Variants in TOR1A observed in about 807,000 individuals in gnomAD.
TOR1A encodes torsin family 1 member A, also known as torsin-1A.
TOR1A carries 18 observed loss-of-function variants against 31.4 expected under a neutral mutation model. The observed-to-expected ratio is 0.57, with a 90% CI of 0.40 to 0.85. The LOEUF (loss-of-function observed/expected upper bound fraction) is 0.85, where lower values mean the gene tolerates loss of function less well. Ranked by LOEUF, TOR1A falls within the 40% of genes least tolerant of loss-of-function variation. The probability of loss-of-function intolerance (pLI) is 0.00; values close to 1 mark genes in which losing one functional copy is unlikely to be tolerated. For missense variants in TOR1A, 375 were observed against 416.4 expected (o/e 0.90, Z 0.87); for synonymous variants, 168 against 165.9 (o/e 1.01, Z -0.10).
Position 129,818,871 on chromosome 9 carries a change from G to T in TOR1A, c.494C>A (p.Ser165Tyr). 1 of 1,613,872 alleles carries T rather than the reference G, an allele frequency of 6.2e-7. No homozygotes were observed. The highest frequency in any genetic ancestry group is 8.5e-7 in the Non-Finnish European group (1 of 1,180,036). ...IRGNVSACAR[S>Y]IFIFDEMDKM... Reference sequence around the variant, plus strand: ...ATCCATTTCATCAAATATGAAGATGGACCTCGCACAGGCACTCACGTTGCC... The same window carrying T: ...ATCCATTTCATCAAATATGAAGATGTACCTCGCACAGGCACTCACGTTGCC... The change falls in exon 3 of 5, where the codon TCC (serine) becomes TAC (tyrosine). Residue 165 changes from serine to tyrosine, a missense_variant. Ser to Tyr is a moderately radical substitution (Grantham distance 144, BLOSUM62 -2). Transcript: ENST00000351698.
chr9:129,822,086 C>T (rs773518136), intron 2 of TOR1A: 29 of 225,934 alleles, frequency 1.3e-4, no homozygotes, highest in Non-Finnish European at 2.1e-4. Flanking sequence ...GCCAAGTTGG[C>T]AAAACCCCAT....
At chr9:129,818,338 GT>G (rs2031092150) in intron 4 of TOR1A, 181 bp downstream of exon 4, 5 of 856,776 alleles carry the variant, frequency 5.8e-6, no homozygotes, top group Non-Finnish European at 9.6e-6. Context: ...AAACATTAGT[GT>G]TCATAAAAGT....
rs1333354661 is a variant in TOR1A, at chr9:129,812,960, AT to A, written c.*1011del. The stretch of plus-strand genomic sequence containing the variant: ...TCACCAATGGCACATGCAAAATTTT[AT>A]TGTAAAACGGTAGCCATTTGCATTT... On this transcript the variant is annotated 3_prime_UTR_variant, in exon 5 of 5. Coordinates refer to ENST00000351698, the MANE Select transcript of TOR1A (RefSeq NM_000113.3). 1 of 152,214 alleles carries A rather than the reference AT, an allele frequency of 6.6e-6. No individual in the cohort carries two copies. Among genetic ancestry groups the A allele is most frequent in the African/African-American group, 2.4e-5 (1 of 41,470 alleles). 9.4% of individuals were successfully genotyped at this position (152,214 alleles called of 1,614,324 possible).
chr9:129,814,101 A>G lies in TOR1A; in HGVS notation c.870T>C (p.Tyr290=), dbSNP rs761663661. The change falls in exon 5 of 5, where the codon TAT becomes TAC. Residue 290 remains tyrosine, a synonymous_variant. Transcript: ENST00000351698. ...TGCTTACAATGTCTTCATCAATTTC[A>G]TAGCCTCGGGACTGCATTTCCACTC... ...CIRVEMQSRG[Y]EIDEDIVSRV... The G allele has an allele frequency of 6.2e-7, 1 of 1,614,218 alleles. No homozygotes were observed. The highest frequency in any genetic ancestry group is 2.2e-5 in the East Asian group (1 of 44,894).
chr9:129,820,768 T>C (rs1357640569), intron 2 of TOR1A, among the ~76,000 whole-genome samples: 5 of 152,044 alleles, frequency 3.3e-5, no homozygotes, highest in Non-Finnish European at 7.4e-5. Flanking sequence ...CTAATTTTTT[T>C]GTATTTTTTT....
chr9:129,814,317 C>T, intron 4 of TOR1A, 95 bp from the exon 5 acceptor site: 1 of 1,588,032 alleles, frequency 6.3e-7, no homozygotes. Flanking sequence ...CCATCCGTCC[C>T]ACAAACGTCT....
At chr9:129,821,015 A>AT (rs1466436448) in intron 2 of TOR1A, among the ~76,000 whole-genome samples, 1 of 152,154 alleles carries the variant, frequency 6.6e-6, no homozygotes, top group Non-Finnish European at 1.5e-5. Context: ...TAAATAACTG[A>AT]TTGAGGCCAG....
intron 4 of TOR1A, chr9:129,818,246 T>A (rs2031090444): frequency 2.1e-6 from 1 of 469,282 alleles, no homozygotes; most frequent in African/African-American, 2.0e-5. Flanking sequence ...GAGGTTGCAG[T>A]GAGGCAAGGT....
At chr9:129,817,798 C>A (rs1218471945) in intron 4 of TOR1A, among the ~76,000 whole-genome samples, 1 of 111,544 alleles carries the variant, frequency 9.0e-6, no homozygotes, top group Non-Finnish European at 1.7e-5. Flanking sequence ...TCCAGGAAGT[C>A]AAGACCAGCC....
chr9:129,815,120 A>C (rs1040372888), intron 4 of TOR1A, among the ~76,000 whole-genome samples: 1 of 152,234 alleles, frequency 6.6e-6, no homozygotes, highest in African/African-American at 2.4e-5. Flanking sequence ...CGTGTCTTCT[A>C]CTGAGCTGAT....
In TOR1A at chr9:129,813,715, C is replaced by T. The variant is rs1295610734; in HGVS notation, c.*257G>A. The T allele has an allele frequency of 1.7e-6, 1 of 579,768 alleles. No individual in the cohort carries two copies. The highest frequency in any genetic ancestry group is 3.1e-6 in the Non-Finnish European group (1 of 324,602). 35.9% of individuals were successfully genotyped at this position (579,768 alleles called of 1,614,324 possible). ...CATAATTTGTAAAAAATCATGAGCC[C>T]TGCGATGAGTGGGCTGGGAGCTGGC... On this transcript the variant is annotated 3_prime_UTR_variant, in exon 5 of 5. Coordinates refer to ENST00000351698, the MANE Select transcript of TOR1A (RefSeq NM_000113.3).
At chr9:129,823,199 G>A (rs1225830164) in intron 1 of TOR1A, 10 of 384,272 alleles carry the variant, frequency 2.6e-5, no homozygotes, top group South Asian at 1.6e-4. Flanking sequence ...CTGCGGAAGA[G>A]TCCTCACCAT....
At position 129,818,775 on chromosome 9, in the gene TOR1A, G is replaced by C; in HGVS notation, c.590C>G (p.Ser197Cys). The C allele has an allele frequency of 1.2e-6, 2 of 1,613,318 alleles. No homozygotes were observed. Among genetic ancestry groups the C allele is most frequent in the Non-Finnish European group, 1.7e-6 (2 of 1,180,036 alleles). ...AAATATGAACATGGCTTTCTGGTAG[G>C]AGACCCCATCCACCAGGTCATAATA... ...LDYYDLVDGVSYQKAMFIFLS... is the reference protein window; with the variant it reads ...LDYYDLVDGVCYQKAMFIFLS... The change falls in exon 3 of 5, where the codon TCC becomes TGC. Residue 197 changes from serine (S) to cysteine (C), a missense_variant. Transcript: ENST00000351698.
At chr9:129,822,897 T>C in intron 1 of TOR1A, 51 bp from the exon 2 acceptor site, 1 of 1,613,550 alleles carries the variant, frequency 6.2e-7, no homozygotes, top group Non-Finnish European at 8.5e-7. Flanking sequence ...CGGCAAAATG[T>C]AGCCACATTT....
At position 129,822,606 on chromosome 9, in the gene TOR1A, T is replaced by C; in HGVS notation, c.419A>G (p.His140Arg). 1 of 1,614,210 alleles carries C rather than the reference T, an allele frequency of 6.2e-7. No individual in the cohort carries two copies. The highest frequency in any genetic ancestry group is 8.5e-7 in the Non-Finnish European group (1 of 1,180,038). The change falls in exon 2 of 5, where the codon CAT (histidine) becomes CGT (arginine). Residue 140 changes from histidine (H) to arginine (R), a missense_variant. Transcript: ENST00000351698. ...HLFVATLHFP[H>R]ASNITLYKDQ... ...CTTGTACAAGGTGATGTTTGAAGCATGTGGAAAGTGCAATGTGGCCACAAA... is the reference window on the plus strand; with the variant it reads ...CTTGTACAAGGTGATGTTTGAAGCACGTGGAAAGTGCAATGTGGCCACAAA...
chr9:129,822,897 T>A (rs1403787039), intron 1 of TOR1A, 51 bp from the exon 2 acceptor site: 1 of 1,613,550 alleles, frequency 6.2e-7, no homozygotes, highest in South Asian at 1.1e-5. Flanking sequence ...CGGCAAAATG[T>A]AGCCACATTT....
intron 4 of TOR1A, among the ~76,000 whole-genome samples, chr9:129,815,698 G>A (rs1350202470): frequency 6.6e-6 from 1 of 152,194 alleles, no homozygotes; most frequent in African/African-American, 2.4e-5. Flanking sequence ...TCGTGGCTCT[G>A]CTCTGATGCC....
In TOR1A at chr9:129,824,099, C is replaced by T. The variant is rs2031266254; in HGVS notation, c.-14G>A. ...GCCCAGCTTCATGCCCGGACCCGCG[C>T]CACCCTGCTTGTTCTCGCGCCGACC... is the stretch of plus-strand genomic sequence containing the variant. On this transcript the variant is annotated 5_prime_UTR_variant, in exon 1 of 5. Coordinates refer to ENST00000351698, the MANE Select transcript of TOR1A (RefSeq NM_000113.3). The T allele has an allele frequency of 6.4e-7, 1 of 1,560,094 alleles. No individual in the cohort carries two copies. The highest frequency in any genetic ancestry group is 8.6e-7 in the Non-Finnish European group (1 of 1,157,942).
At chr9:129,819,148 G>A (rs1288953876) in intron 2 of TOR1A, among the ~76,000 whole-genome samples, 1 of 152,134 alleles carries the variant, frequency 6.6e-6, no homozygotes, top group African/African-American at 2.4e-5. Flanking sequence ...TACTCCACTT[G>A]CCCAAGACTA....
Sources: allele counts gnomAD v4.1 joint callset (sites outside exome capture counted in the v4.1 genomes callset), GRCh38; gene constraint gnomAD v4.1.1; transcripts MANE v1.5; gene names NCBI Gene and HGNC (gene_info 2026-07-23, HGNC 2026-07-21).